PLCB3: variants seen among roughly 807,000 people sequenced by gnomAD.
The protein encoded by PLCB3 is 1-phosphatidylinositol 4,5-bisphosphate phosphodiesterase beta-3.
PLCB3 carries 54 observed loss-of-function variants against 152.1 expected under a neutral mutation model. The observed-to-expected ratio is 0.36, with a 90% CI of 0.29 to 0.45. The LOEUF (loss-of-function observed/expected upper bound fraction) is 0.45, where lower values mean the gene tolerates loss of function less well. PLCB3 is among the 20% of genes least tolerant of loss of function. The pLI is 1.00. For missense variants in PLCB3, 1,248 were observed against 1,687.5 expected (o/e 0.74, Z 4.56); for synonymous variants, 717 against 698.7 (o/e 1.03, Z -0.41).
intron 2 of PLCB3, 96 bp from the exon 3 acceptor site, chr11:64,254,652 G>C: frequency 7.0e-7 from 1 of 1,435,304 alleles, no homozygotes; most frequent in Non-Finnish European, 9.8e-7. Context: ...CTATAGCCAG[G>C]GGCTGGCCAT....
intron 17 of PLCB3, 43 bp downstream of exon 17, chr11:64,262,119 T>A: frequency 6.2e-7 from 1 of 1,612,612 alleles, no homozygotes; most frequent in African/African-American, 1.3e-5. Flanking sequence ...CCCTCAGTCT[T>A]ACTGACTTCT....
rs541668933 is a variant in PLCB3, at chr11:64,258,228, G to GT, written c.1013-244dup. ...TTCCACACAGGAGGTGGTGTGAGCT[G>GT]TGCCAGGGCTGAGGTGGGTGGAGGG... is the stretch of plus-strand genomic sequence containing the variant. On this transcript the variant is annotated intron_variant, in intron 10 of 30. Coordinates refer to ENST00000279230, the MANE Select transcript of PLCB3 (RefSeq NM_000932.5). The surrounding 1 kb of genome is among the most constrained non-coding windows in gnomAD (Gnocchi z 7.2). Among the ~76,000 whole-genome samples the GT allele has an allele frequency of 2.9e-3, 447 of 152,222 alleles. 1 individual carries two copies. Among genetic ancestry groups the GT allele is most frequent in the African/African-American group, 0.01 (419 of 41,554 alleles).
chr11:64,256,332 G>A, intron 8 of PLCB3, 44 bp from the exon 9 acceptor site: 1 of 1,586,042 alleles, frequency 6.3e-7, no homozygotes, highest in Non-Finnish European at 8.6e-7. Flanking sequence ...CGGGGTGGGA[G>A]CCCTGCCAGG....
chr11:64,262,297 GC>G, intron 17 of PLCB3, 109 bp from the exon 18 acceptor site: 1 of 1,408,028 alleles, frequency 7.1e-7, no homozygotes. Context: ...ATTTGAGCCC[GC>G]CCCTGACCCT....
chr11:64,261,719 C>T (rs932649096), intron 16 of PLCB3, 54 bp downstream of exon 16: 15 of 1,529,692 alleles, frequency 9.8e-6, no homozygotes, highest in Admixed American at 3.3e-5. Flanking sequence ...GCTCGGAGGC[C>T]GGCTCCGGTG....
chr11:64,254,316 TG>T, intron 1 of PLCB3, 98 bp from the exon 2 acceptor site: 1 of 958,706 alleles, frequency 1.0e-6, no homozygotes, highest in Non-Finnish European at 1.7e-6. Context: ...TCTTAGCTCA[TG>T]GGCAGGAACT....
rs1382127630 is a variant in PLCB3, at chr11:64,261,825, G to A, written c.1914-127G>A. 5.4e-6 allele frequency: 8 copies of A among 1,485,476 alleles called. No individual in the cohort carries two copies. In the East Asian group the frequency reaches 1.6e-4, roughly 30 times the overall value. 92.0% of individuals were successfully genotyped at this position (1,485,476 alleles called of 1,614,324 possible). Reference sequence around the variant, plus strand: ...GCTTGGGCAGATCCAGGCAGTCTCAGGGGGCATGGCTAGGCTAAGAAACAG... The same window carrying A: ...GCTTGGGCAGATCCAGGCAGTCTCAAGGGGCATGGCTAGGCTAAGAAACAG... On this transcript the variant is annotated intron_variant, in intron 16 of 30. Coordinates refer to ENST00000279230, the MANE Select transcript of PLCB3 (RefSeq NM_000932.5).
At chr11:64,264,679 C>T (rs2032022360) in intron 22 of PLCB3, among the ~76,000 whole-genome samples, 1 of 152,150 alleles carries the variant, frequency 6.6e-6, no homozygotes, top group Non-Finnish European at 1.5e-5. Flanking sequence ...GGGGCTGGGC[C>T]AGGCCTTTCC....
chr11:64,254,339 G>A, intron 1 of PLCB3, 76 bp from the exon 2 acceptor site: 2 of 1,216,212 alleles, frequency 1.6e-6, no homozygotes, highest in South Asian at 1.2e-5. Context: ...TGGGGTGCAT[G>A]ATGGGAGGGC....
Position 64,251,586 on chromosome 11 carries a change from G to A in PLCB3, c.-64G>A. ...GGGGCCGGAGCGGGCCGCGCGGTGG[G>A]AGCAGCGGCGCCGTCGGTCCCCGTC... is the stretch of plus-strand genomic sequence containing the variant. On this transcript the variant is annotated 5_prime_UTR_variant, in exon 1 of 31. Coordinates refer to ENST00000279230, the MANE Select transcript of PLCB3 (RefSeq NM_000932.5). 1.4e-6 allele frequency: 1 copy of A among 740,372 alleles called. No homozygotes were observed. Among genetic ancestry groups the A allele is most frequent in the Non-Finnish European group, 1.9e-6 (1 of 539,838 alleles). The allele number at this position is 740,372 out of a possible 1,614,324, so 45.9% of individuals were successfully genotyped here.
chr11:64,267,430 C>T lies in PLCB3; in HGVS notation c.3579C>T (p.Gly1193=), dbSNP rs1262751968. Residue 1193 remains glycine (G), a synonymous_variant, in exon 31 of 31, where the codon GGC becomes GGT. Transcript: ENST00000279230. This position sits in a 1 kb window ranked among gnomAD's most constrained non-coding sequence, Gnocchi z 5.2. The part of the protein sequence containing the change: ...LPQEIRRSLL[G]EMPEGLGDGP... ...AGGAGATCCGCCGGAGCCTGCTGGG[C>T]GAGATGCCGGAGGGGCTGGGGGACG... The T allele has an allele frequency of 1.3e-6, 2 of 1,544,874 alleles. No individual in the cohort carries two copies. Among genetic ancestry groups the T allele is most frequent in the East Asian group, 2.4e-5 (1 of 41,362 alleles).
At chr11:64,256,912 G>C in intron 10 of PLCB3, 148 bp downstream of exon 10, 1 of 832,672 alleles carries the variant, frequency 1.2e-6, no homozygotes. Flanking sequence ...AGCCAGCCCT[G>C]AGCAGTGGGG....
At position 64,267,638 on chromosome 11, in the gene PLCB3, T is replaced by G; in HGVS notation, c.*82T>G. On this transcript the variant is annotated 3_prime_UTR_variant, in exon 31 of 31. Coordinates refer to ENST00000279230, the MANE Select transcript of PLCB3 (RefSeq NM_000932.5). This position sits in a 1 kb window ranked among gnomAD's most constrained non-coding sequence, Gnocchi z 5.2. ...GCAATGACACTAATGCTTTTTTTTT[T>G]TTTTTTTAACTTTTTATCTAGAAAT... The G allele has an allele frequency of 1.8e-6, 2 of 1,081,868 alleles. No individual in the cohort carries two copies. The highest frequency in any genetic ancestry group is 2.6e-6 in the Non-Finnish European group (2 of 767,126). 67.0% of individuals were successfully genotyped at this position (1,081,868 alleles called of 1,614,324 possible).
chr11:64,258,725 C>T lies in PLCB3; in HGVS notation c.1253+12C>T, dbSNP rs762931747. On this transcript the variant is annotated intron_variant, in intron 11 of 30. Transcript: ENST00000279230. This position sits in a 1 kb window ranked among gnomAD's most constrained non-coding sequence, Gnocchi z 7.2. ...AACCATGTGGACTCGTGAGTGAGCC[C>T]CTGGCATGAAACCCCATGGACCGGG... 9.3e-6 allele frequency: 15 copies of T among 1,612,972 alleles called. No individual in the cohort carries two copies. The highest frequency in any genetic ancestry group is 2.7e-5 in the African/African-American group (2 of 74,890).
At chr11:64,263,963 G>T in intron 21 of PLCB3, 58 bp from the exon 22 acceptor site, 1 of 1,349,086 alleles carries the variant, frequency 7.4e-7, no homozygotes, top group South Asian at 1.3e-5. Flanking sequence ...CAGAGGTGGC[G>T]GGTGGGGGTG....
chr11:64,255,606 A>G lies in PLCB3; in HGVS notation c.587A>G (p.Lys196Arg), dbSNP rs2135042438. The change falls in exon 7 of 31, where the codon AAA becomes AGA. Residue 196 changes from lysine to arginine, a missense_variant. Lys to Arg is a conservative substitution (Grantham distance 26). Coordinates refer to ENST00000279230, the MANE Select transcript of PLCB3 (RefSeq NM_000932.5). This position sits in a 1 kb window ranked among gnomAD's most constrained non-coding sequence, Gnocchi z 6.8. The part of the protein sequence containing the change: ...VETALESCGL[K>R]FNRSESIRPD... ...ACTGCGCTGGAATCCTGTGGCCTCA[A>G]ATTCAACCGGGTGTGTGGGGTGGGG... The G allele has an allele frequency of 1.2e-6, 2 of 1,612,478 alleles. No individual in the cohort carries two copies. Among genetic ancestry groups the G allele is most frequent in the South Asian group, 2.2e-5 (2 of 91,052 alleles).
chr11:64,254,898 G>T lies in PLCB3; in HGVS notation c.247G>T (p.Asp83Tyr). 1 of 1,608,888 alleles carries T rather than the reference G, an allele frequency of 6.2e-7. No individual in the cohort carries two copies. The change falls in exon 4 of 31, where the codon GAC (aspartate) becomes TAC (tyrosine). Residue 83 changes from aspartate (D) to tyrosine (Y), a missense_variant and splice_region_variant. Physicochemically the swap from Asp to Tyr is radical, Grantham distance 160. This residue lies in a region of PLCB3 where 299 missense variants were observed against 434.7 expected (regional missense o/e 0.69). Coordinates refer to ENST00000279230, the MANE Select transcript of PLCB3 (RefSeq NM_000932.5). ...TCACCCTTCGCTGTCACCTACTCAGGACCCCAAGATCCGGGAAGTTCTGGG... is the reference window on the plus strand; with the variant it reads ...TCACCCTTCGCTGTCACCTACTCAGTACCCCAAGATCCGGGAAGTTCTGGG... ...RTGRYARLPK[D>Y]PKIREVLGFG... is the part of the protein sequence containing the mutation.
At chr11:64,254,555 G>A in intron 2 of PLCB3, 63 bp downstream of exon 2, 1 of 1,515,310 alleles carries the variant, frequency 6.6e-7, no homozygotes, top group Non-Finnish European at 9.2e-7. Context: ...CCCCTGCCCT[G>A]CCCGTGGGGG....
At chr11:64,254,304 C>A in intron 1 of PLCB3, 111 bp from the exon 2 acceptor site, 1 of 853,678 alleles carries the variant, frequency 1.2e-6, no homozygotes, top group Non-Finnish European at 2.0e-6. Context: ...GATGAGGTTT[C>A]GTCTTAGCTC....
Sources: allele counts gnomAD v4.1 joint callset (sites outside exome capture counted in the v4.1 genomes callset), GRCh38; gene constraint gnomAD v4.1.1; regional missense constraint gnomAD v4.1.1; non-coding constraint Gnocchi (gnomAD v3.1); transcripts MANE v1.5; gene names NCBI Gene and HGNC (gene_info 2026-07-23, HGNC 2026-07-21).